DCC: variants seen among roughly 807,000 people sequenced by gnomAD.
DCC encodes the protein netrin receptor DCC.
In DCC, 58 loss-of-function variants were observed where a neutral mutation model predicts 172.5. The observed-to-expected ratio is 0.34, with a 90% confidence interval of 0.27 to 0.42. DCC has a LOEUF of 0.42. Among genes scored for constraint, DCC ranks in the 10% least tolerant of loss-of-function variants. DCC has a pLI of 1.00. For synonymous variants in DCC, 709 were observed against 644.5 expected, an observed-to-expected ratio of 1.10 and a Z score of -1.52; for missense variants, 1,740 against 1,791.0, an observed-to-expected ratio of 0.97 and a Z score of 0.51.
At chr18:53,172,965 A>T (rs926954833) in intron 8 of DCC, among the ~76,000 whole-genome samples, 1 of 152,152 alleles carries the variant, frequency 6.6e-6, no homozygotes, top group Non-Finnish European at 1.5e-5. Flanking sequence ...AATAATGATA[A>T]CAAAACCACC....
chr18:53,016,986 T>C (rs2041815541), intron 5 of DCC, among the ~76,000 whole-genome samples: 1 of 152,162 alleles, frequency 6.6e-6, no homozygotes, highest in Non-Finnish European at 1.5e-5. Flanking sequence ...GCAGAGTACT[T>C]TGAAAAGTGG....
At chr18:53,283,837 A>G (rs1437945968) in intron 12 of DCC, among the ~76,000 whole-genome samples, 2 of 152,200 alleles carry the variant, frequency 1.3e-5, no homozygotes, top group Non-Finnish European at 2.9e-5. Flanking sequence ...GACTTTGTCA[A>G]TGCTAATTAT....
In DCC at chr18:53,499,701, G is replaced by T. The variant is rs140861320; in HGVS notation, c.4111+191G>T. 6.1e-4 allele frequency among the ~76,000 whole-genome samples: 93 copies of T among 152,204 alleles called. No homozygotes were observed. In the Middle Eastern group the frequency reaches 0.01, roughly 17 times the overall value. The stretch of plus-strand genomic sequence containing the variant: ...TGACCCACCTCCCAAGCAACTGATT[G>T]GTTGTAGGTGCTTTTCATCCCTTTG... On this transcript the variant is annotated intron_variant, in intron 27 of 28. Coordinates refer to ENST00000442544, the MANE Select transcript of DCC (RefSeq NM_005215.4).
intron 1 of DCC, among the ~76,000 whole-genome samples, chr18:52,395,217 T>A (rs1986176465): frequency 6.6e-6 from 1 of 151,778 alleles, no homozygotes; most frequent in South Asian, 2.1e-4. Flanking sequence ...AGATCAAGAG[T>A]ATTTTTATGT....
chr18:52,762,930 A>G (rs1330498132), intron 2 of DCC, among the ~76,000 whole-genome samples: 1 of 152,206 alleles, frequency 6.6e-6, no homozygotes, highest in Non-Finnish European at 1.5e-5. Flanking sequence ...AGTTTACACT[A>G]TTTACATCCT....
chr18:53,137,650 G>A (rs957815636), intron 7 of DCC, among the ~76,000 whole-genome samples: 1 of 152,092 alleles, frequency 6.6e-6, no homozygotes, highest in Non-Finnish European at 1.5e-5. Flanking sequence ...ATCTTAGATG[G>A]CTTGGGCCAC....
Position 53,223,706 on chromosome 18 carries a change from C to G in DCC, c.1911+8109C>G, listed in dbSNP as rs556471915. Among the ~76,000 whole-genome samples the G allele has an allele frequency of 4.1e-4, 62 of 152,208 alleles. No individual in the cohort carries two copies. The East Asian group carries it at 0.011, about 27-fold the overall frequency. On this transcript the variant is annotated intron_variant, in intron 12 of 28. Coordinates refer to ENST00000442544, the MANE Select transcript of DCC (RefSeq NM_005215.4). ...GTGATTTGATTTTAAAGATGTTGAA[C>G]CATTCACCCATGTGCAAAAACTTTA...
At chr18:53,160,826 G>A (rs4940242) in intron 8 of DCC, among the ~76,000 whole-genome samples, 47,193 of 152,016 alleles carry the variant, frequency 0.31, 9,169 homozygotes, top group East Asian at 0.59. Context: ...AATTCTACAT[G>A]CTTTCATATG....
chr18:53,198,639 A>T (rs1400541115), intron 9 of DCC, among the ~76,000 whole-genome samples: 1 of 152,170 alleles, frequency 6.6e-6, no homozygotes, highest in Non-Finnish European at 1.5e-5. Flanking sequence ...GTCAGAAATT[A>T]CTGTTCCCAG....
At chr18:52,378,910 T>A (rs903922627) in intron 1 of DCC, among the ~76,000 whole-genome samples, 4 of 152,180 alleles carry the variant, frequency 2.6e-5, no homozygotes, top group Admixed American at 6.5e-5. Context: ...AGCAATAGAC[T>A]CTTTCCCTCT....
intron 7 of DCC, among the ~76,000 whole-genome samples, chr18:53,147,361 A>C (rs925815817): frequency 6.6e-6 from 1 of 152,204 alleles, no homozygotes; most frequent in Non-Finnish European, 1.5e-5. Flanking sequence ...CCTAAAAACA[A>C]AAAGGAATCT....
intron 1 of DCC, among the ~76,000 whole-genome samples, chr18:52,387,669 A>G (rs912733292): frequency 6.8e-6 from 1 of 146,482 alleles, no homozygotes; most frequent in East Asian, 2.0e-4. Context: ...TGATCTATGA[A>G]CAAAAACTGT....
At chr18:52,567,848 C>T (rs143335706) in intron 1 of DCC, among the ~76,000 whole-genome samples, 18 of 151,954 alleles carry the variant, frequency 1.2e-4, no homozygotes, top group Non-Finnish European at 2.5e-4. Flanking sequence ...GAGGGAATTC[C>T]TTTATCAGGA....
At chr18:52,501,462 C>T (rs2031015621) in intron 1 of DCC, among the ~76,000 whole-genome samples, 2 of 152,020 alleles carry the variant, frequency 1.3e-5, no homozygotes, top group Non-Finnish European at 2.9e-5. Context: ...AAGTTTATGC[C>T]ATAAAGGTAA....
At chr18:53,276,857 G>A (rs1463197613) in intron 12 of DCC, among the ~76,000 whole-genome samples, 1 of 152,094 alleles carries the variant, frequency 6.6e-6, no homozygotes, top group African/African-American at 2.4e-5. Context: ...ATTTTACTAT[G>A]GAACTTGGGT....
intron 3 of DCC, among the ~76,000 whole-genome samples, chr18:52,911,347 T>A (rs1428064363): frequency 1.3e-5 from 2 of 152,070 alleles, no homozygotes; most frequent in East Asian, 3.8e-4. Flanking sequence ...ATTACTTTTA[T>A]AGGTCATAAG....
At chr18:52,646,462 G>T (rs2035020758) in intron 1 of DCC, among the ~76,000 whole-genome samples, 2 of 152,062 alleles carry the variant, frequency 1.3e-5, no homozygotes, top group Admixed American at 6.5e-5. Context: ...AGATCCCACA[G>T]GGTAAGGGTT....
intron 5 of DCC, among the ~76,000 whole-genome samples, chr18:52,984,183 T>C (rs370633339): frequency 6.6e-6 from 1 of 152,056 alleles, no homozygotes; most frequent in Non-Finnish European, 1.5e-5. Context: ...GAATGATTGA[T>C]AGACATAATC....
At chr18:52,797,271 A>T (rs957258858) in intron 2 of DCC, among the ~76,000 whole-genome samples, 2 of 151,978 alleles carry the variant, frequency 1.3e-5, no homozygotes, top group Admixed American at 1.3e-4. Context: ...TGTTTTGGGG[A>T]TCTGTTATTG....
Sources: allele counts gnomAD v4.1 joint callset (sites outside exome capture counted in the v4.1 genomes callset), GRCh38; gene constraint gnomAD v4.1.1; transcripts MANE v1.5; gene names NCBI Gene and HGNC (gene_info 2026-07-23, HGNC 2026-07-21).